The following OSMR variants were observed in gnomAD, a reference collection of about 807,000 sequenced individuals.
OSMR encodes the protein oncostatin-M-specific receptor subunit beta.
Under a neutral mutation model 99.9 loss-of-function variants are expected in OSMR, and 81 were observed. The ratio of observed to expected loss-of-function variants is 0.81; its 90% CI spans 0.68 to 0.97. The LOEUF (loss-of-function observed/expected upper bound fraction) is 0.97, where lower values mean the gene tolerates loss of function less well. OSMR is among the 50% of genes least tolerant of loss of function. The probability of loss-of-function intolerance (pLI) is 0.00; values close to 1 mark genes in which losing one functional copy is unlikely to be tolerated. For missense variants in OSMR, 1,099 were observed against 1,153.4 expected, an observed-to-expected ratio of 0.95 and a Z score of 0.68; for synonymous variants, 406 against 410.4, an observed-to-expected ratio of 0.99 and a Z score of 0.13.
chr5:38,868,627 C>G (rs1742131117), intron 1 of OSMR, among the ~76,000 whole-genome samples: 1 of 152,190 alleles, frequency 6.6e-6, no homozygotes, highest in Non-Finnish European at 1.5e-5. Flanking sequence ...TGGGGCCTCC[C>G]CAGCCATGTG....
intron 7 of OSMR, among the ~76,000 whole-genome samples, chr5:38,891,444 C>T (rs921774934): frequency 1.3e-5 from 2 of 152,144 alleles, no homozygotes; most frequent in African/African-American, 4.8e-5. Flanking sequence ...TTGTCTGAGA[C>T]CTCACATCAG....
intron 15 of OSMR, among the ~76,000 whole-genome samples, chr5:38,929,935 C>T (rs1746645592): frequency 6.6e-6 from 1 of 152,210 alleles, no homozygotes; most frequent in Non-Finnish European, 1.5e-5. Flanking sequence ...ATCTTAGCCT[C>T]TCCTGGGAGA....
intron 1 of OSMR, among the ~76,000 whole-genome samples, chr5:38,849,434 A>G (rs1182095628): frequency 6.6e-6 from 1 of 151,560 alleles, no homozygotes; most frequent in East Asian, 1.9e-4. Flanking sequence ...GGTCTGTGTC[A>G]GGATTCTATT....
intron 7 of OSMR, among the ~76,000 whole-genome samples, chr5:38,895,031 A>T (rs1476158223): frequency 3.3e-5 from 5 of 152,124 alleles, no homozygotes; most frequent in African/African-American, 1.2e-4. Flanking sequence ...GGAAGAAATT[A>T]AAAAATTCTT....
At chr5:38,924,315 C>A in intron 13 of OSMR, 107 bp from the exon 14 acceptor site, 1 of 1,574,596 alleles carries the variant, frequency 6.4e-7, no homozygotes, top group East Asian at 2.3e-5. Flanking sequence ...TTGGCATAAG[C>A]TGTTACAACC....
At chr5:38,945,153 T>A (rs570365168), downstream of OSMR, 4 of 947,938 alleles carry the variant, frequency 4.2e-6, no homozygotes, top group Non-Finnish European at 6.3e-6. Flanking sequence ...AGAAATAATA[T>A]AAAATAACAT....
intron 15 of OSMR, among the ~76,000 whole-genome samples, chr5:38,925,800 C>T (rs1306415685): frequency 1.3e-5 from 2 of 152,216 alleles, no homozygotes; most frequent in African/African-American, 4.8e-5. Flanking sequence ...TCCTCTGGCT[C>T]ATTTCCCTCA....
Position 38,933,191 on chromosome 5 carries a change from C to T in OSMR, c.2687C>T (p.Ala896Val), listed in dbSNP as rs1399993311. Residue 896 changes from alanine (A) to valine (V), a missense_variant, in exon 18 of 18, where the codon GCA becomes GTA. By Grantham distance (64) the Ala-to-Val change is moderately conservative (BLOSUM62 0). Transcript: ENST00000274276. ...ACCTCACCTGAAAATGTACTAAAGG[C>T]ACTAGAAAAAAACTACATGAACTCC... ...LMTSPENVLK[A>V]LEKNYMNSLG... 18 of 1,613,994 alleles carry T rather than the reference C, an allele frequency of 1.1e-5. No homozygotes were observed. Among genetic ancestry groups the T allele is most frequent in the Non-Finnish European group, 1.3e-5 (15 of 1,180,010 alleles).
At chr5:38,851,790 G>A (rs974179760) in intron 1 of OSMR, among the ~76,000 whole-genome samples, 2 of 152,178 alleles carry the variant, frequency 1.3e-5, no homozygotes, top group African/African-American at 4.8e-5. Flanking sequence ...CATGTTGTGG[G>A]AGGAACCCAG....
At position 38,881,595 on chromosome 5, in the gene OSMR, G is replaced by A. The variant is rs1206371897; in HGVS notation, c.249G>A (p.Gly83=). The change falls in exon 4 of 18, where the codon GGG becomes GGA. Residue 83 remains glycine, a splice_region_variant and synonymous_variant. Coordinates refer to ENST00000274276, the MANE Select transcript of OSMR (RefSeq NM_003999.3). ...RIETSNVIWV[G]NYSTTVKWNQ... Reference sequence around the variant, plus strand: ...AATTGTTTTCTCTTTGCTTTTAGGGGAATTACAGCACCACTGTGAAGTGGA... The same window carrying A: ...AATTGTTTTCTCTTTGCTTTTAGGGAAATTACAGCACCACTGTGAAGTGGA... 3 of 1,614,128 alleles carry A rather than the reference G, an allele frequency of 1.9e-6. No individual in the cohort carries two copies. In the South Asian group the frequency reaches 3.3e-5, roughly 18 times the overall value.
At chr5:38,878,305 C>T (rs944988247) in intron 3 of OSMR, among the ~76,000 whole-genome samples, 1 of 152,092 alleles carries the variant, frequency 6.6e-6, no homozygotes, top group African/African-American at 2.4e-5. Flanking sequence ...TACAGGGAAG[C>T]TCCCTGTAGT....
intron 1 of OSMR, among the ~76,000 whole-genome samples, chr5:38,863,713 T>A (rs1741703088): frequency 6.6e-6 from 1 of 152,216 alleles, no homozygotes; most frequent in South Asian, 2.1e-4. Flanking sequence ...GTTTCTTTGT[T>A]AATTTTCTGT....
chr5:38,906,106 G>C (rs1032122515), intron 9 of OSMR, among the ~76,000 whole-genome samples: 1 of 151,706 alleles, frequency 6.6e-6, no homozygotes, highest in Non-Finnish European at 1.5e-5. Flanking sequence ...GTTCCTGAGA[G>C]GAATGTTGCA....
At chr5:38,878,807 A>G (rs1241465375) in intron 3 of OSMR, among the ~76,000 whole-genome samples, 1 of 152,262 alleles carries the variant, frequency 6.6e-6, no homozygotes, top group Non-Finnish European at 1.5e-5. Flanking sequence ...TTTATCTCCT[A>G]CATTAACAGG....
At chr5:38,930,810 T>G (rs1746693200) in intron 15 of OSMR, among the ~76,000 whole-genome samples, 1 of 151,838 alleles carries the variant, frequency 6.6e-6, no homozygotes, top group Non-Finnish European at 1.5e-5. Context: ...GGAAAAAAAA[T>G]GAGGAGGATT....
chr5:38,910,657 TTAA>T (rs1745519036), intron 9 of OSMR, among the ~76,000 whole-genome samples: 2 of 152,136 alleles, frequency 1.3e-5, no homozygotes, highest in South Asian at 4.1e-4. Context: ...TTATTTGAAA[TTAA>T]TGAGAAGAAA....
intron 1 of OSMR, among the ~76,000 whole-genome samples, chr5:38,848,276 A>C (rs989602433): frequency 1.3e-5 from 2 of 152,152 alleles, no homozygotes; most frequent in South Asian, 2.1e-4. Context: ...GGGGAAAAAA[A>C]CCCAAACCAA....
At chr5:38,876,128 A>T (rs1359672906) in intron 2 of OSMR, 73 bp from the exon 3 acceptor site, 2 of 1,580,852 alleles carry the variant, frequency 1.3e-6, no homozygotes, top group Non-Finnish European at 1.7e-6. Context: ...ATGATATTCA[A>T]GTTTAATTAT....
At chr5:38,913,717 A>C (rs776747060) in intron 9 of OSMR, among the ~76,000 whole-genome samples, 3 of 152,170 alleles carry the variant, frequency 2.0e-5, no homozygotes, top group Admixed American at 6.5e-5. Flanking sequence ...ATTTTTAAAA[A>C]TCTTTGCATG....
Sources: allele counts gnomAD v4.1 joint callset (sites outside exome capture counted in the v4.1 genomes callset), GRCh38; gene constraint gnomAD v4.1.1; transcripts MANE v1.5; gene names NCBI Gene and HGNC (gene_info 2026-07-23, HGNC 2026-07-21).